Variants in SENP1 observed in about 807,000 individuals in gnomAD.
SENP1 encodes sentrin-specific protease 1.
Under a neutral mutation model 93.0 loss-of-function variants are expected in SENP1, and 21 were observed. The ratio of observed to expected loss-of-function variants is 0.23; its 90% confidence interval spans 0.16 to 0.33. The LOEUF (loss-of-function observed/expected upper bound fraction) is 0.33. Among genes scored for constraint, SENP1 ranks in the 10% least tolerant of loss-of-function variants. SENP1 has a pLI of 1.00. For missense variants in SENP1, 591 were observed against 758.7 expected (o/e 0.78, Z 2.60); for synonymous variants, 256 against 259.6 (o/e 0.99, Z 0.13).
At chr12:48,086,335 TA>T (rs1944859847) in intron 5 of SENP1, among the ~76,000 whole-genome samples, 1 of 152,168 alleles carries the variant, frequency 6.6e-6, no homozygotes, top group Non-Finnish European at 1.5e-5. Flanking sequence ...GTGATAAAAT[TA>T]GAAAAATATT....
intron 16 of SENP1, 145 bp from the exon 17 acceptor site, chr12:48,046,596 G>T: frequency 1.5e-6 from 1 of 647,564 alleles, no homozygotes; most frequent in Non-Finnish European, 2.7e-6. Flanking sequence ...GACAACAGAG[G>T]CTCAAAGAAA....
At chr12:48,053,405 G>A (rs1001724929) in intron 13 of SENP1, among the ~76,000 whole-genome samples, 5 of 150,388 alleles carry the variant, frequency 3.3e-5, no homozygotes, top group Admixed American at 6.7e-5. Flanking sequence ...TTTAGCTCGG[G>A]AGTTTGAGGC....
chr12:48,099,459 T>C (rs1945777384), intron 2 of SENP1, among the ~76,000 whole-genome samples: 1 of 152,178 alleles, frequency 6.6e-6, no homozygotes, highest in South Asian at 2.1e-4. Flanking sequence ...AAATTCACCA[T>C]TCAGTAACAC....
chr12:48,051,293 G>A (rs1185837540), intron 13 of SENP1, among the ~76,000 whole-genome samples: 6 of 152,062 alleles, frequency 3.9e-5, no homozygotes, highest in Non-Finnish European at 7.4e-5. Context: ...CAGACACCAT[G>A]GTATCTGTTC....
chr12:48,049,068 T>C lies in SENP1; in HGVS notation c.1472A>G (p.His491Arg). ...AGTGAAGAAAAAGGTATTAAATGCA[T>C]GCACACTTGGCAAGCCCTTCTCTTT... Reference protein sequence around the residue: ...RSKEKGLPSVHAFNTFFFTKL... With the variant: ...RSKEKGLPSVRAFNTFFFTKL... The change falls in exon 14 of 18, where the codon CAT (histidine) becomes CGT (arginine). Residue 491 changes from histidine to arginine, a missense_variant. His to Arg is a conservative substitution (Grantham distance 29). Around this residue, in one of 4 missense-constraint regions of SENP1, gnomAD observed 132 missense variants for 230.1 expected, o/e 0.57. Coordinates refer to ENST00000549518, the MANE Select transcript of SENP1 (RefSeq NM_001267594.2). The C allele has an allele frequency of 1.2e-6, 2 of 1,613,300 alleles. No homozygotes were observed. Among genetic ancestry groups the C allele is most frequent in the Non-Finnish European group, 1.7e-6 (2 of 1,179,412 alleles).
chr12:48,075,480 AG>A (rs2137052945), intron 6 of SENP1, among the ~76,000 whole-genome samples: 1 of 152,314 alleles, frequency 6.6e-6, no homozygotes, highest in South Asian at 2.1e-4. Flanking sequence ...AAAAATCACA[AG>A]GAAGTAACCA....
Position 48,056,360 on chromosome 12 carries a change from T to C in SENP1, c.1408-7228A>G, listed in dbSNP as rs1942344974. ...TTAATATATTACATATAATATATTA[T>C]TTAATATATTACATATATATTTAAT... On this transcript the variant is annotated intron_variant, in intron 13 of 17. Coordinates refer to ENST00000549518, the MANE Select transcript of SENP1 (RefSeq NM_001267594.2). Among the ~76,000 whole-genome samples, 2 of 117,356 alleles carry C rather than the reference T, an allele frequency of 1.7e-5. 1 individual carries two copies. The highest frequency in any genetic ancestry group is 5.5e-4 in the South Asian group (2 of 3,624). 77.0% of individuals were successfully genotyped at this position (117,356 alleles called of 152,430 possible).
chr12:48,085,715 CAAAA>C (rs200416260), intron 5 of SENP1, among the ~76,000 whole-genome samples: 211 of 116,286 alleles, frequency 1.8e-3, no homozygotes, highest in African/African-American at 6.4e-3. Flanking sequence ...TTGCTTCTCT[CAAAA>C]AAAAAAAAAA....
At chr12:48,054,450 A>T (rs1387076116) in intron 13 of SENP1, among the ~76,000 whole-genome samples, 1 of 152,010 alleles carries the variant, frequency 6.6e-6, no homozygotes, top group African/African-American at 2.4e-5. Context: ...TGCAGGGTAT[A>T]TTTTTTCTGT....
intron 4 of SENP1, 41 bp downstream of exon 4, chr12:48,096,301 CA>C: frequency 8.7e-7 from 1 of 1,149,192 alleles, no homozygotes; most frequent in Non-Finnish European, 1.3e-6. Flanking sequence ...TCAAGAAATC[CA>C]AAAGGTATAA....
chr12:48,081,117 T>C (rs976247969), intron 6 of SENP1, among the ~76,000 whole-genome samples: 2 of 152,120 alleles, frequency 1.3e-5, no homozygotes, highest in Non-Finnish European at 2.9e-5. Flanking sequence ...AACAGAAACA[T>C]GGGGCAGGCG....
rs530055737 is a variant in SENP1, at chr12:48,072,779, T to C, written c.941-1058A>G. Among the ~76,000 whole-genome samples the C allele has an allele frequency of 1.6e-4, 25 of 152,314 alleles. No individual in the cohort carries two copies. In the South Asian group the frequency reaches 5.2e-3, roughly 32 times the overall value. The stretch of plus-strand genomic sequence containing the variant: ...TTGTTGATCTCTTACTGCACCTAAT[T>C]TATAATCATTAGTATGTATGTATAG... On this transcript the variant is annotated intron_variant, in intron 8 of 17. Transcript: ENST00000549518.
intron 9 of SENP1, among the ~76,000 whole-genome samples, chr12:48,068,632 G>C (rs577366065): frequency 6.6e-6 from 1 of 152,156 alleles, no homozygotes; most frequent in South Asian, 2.1e-4. Context: ...AAGTACTTGG[G>C]CTACTCAAGA....
At chr12:48,097,820 C>T (rs1281759796) in intron 3 of SENP1, 174 bp downstream of exon 3, 7 of 553,584 alleles carry the variant, frequency 1.3e-5, no homozygotes, top group East Asian at 6.2e-5. Context: ...TTTGTCTTAA[C>T]GTCCTTGTCT....
At chr12:48,054,025 G>T (rs910913623) in intron 13 of SENP1, among the ~76,000 whole-genome samples, 1 of 152,174 alleles carries the variant, frequency 6.6e-6, no homozygotes, top group Non-Finnish European at 1.5e-5. Context: ...TAGGGTCTTG[G>T]GGGGAAAATA....
intron 13 of SENP1, among the ~76,000 whole-genome samples, chr12:48,054,416 TAA>T (rs1168961492): frequency 6.6e-6 from 1 of 152,214 alleles, no homozygotes; most frequent in Non-Finnish European, 1.5e-5. Flanking sequence ...ATAATGTTAA[TAA>T]GTCACTTTTT....
At chr12:48,084,324 T>C (rs118077444) in intron 5 of SENP1, among the ~76,000 whole-genome samples, 1,546 of 152,304 alleles carry the variant, frequency 0.01, 11 homozygotes, top group Admixed American at 0.019. Context: ...TTCTGGCCTA[T>C]TTACTTCCTC....
chr12:48,088,188 GACTAC>G, intron 5 of SENP1, among the ~76,000 whole-genome samples: 1 of 152,132 alleles, frequency 6.6e-6, no homozygotes, highest in Non-Finnish European at 1.5e-5. Flanking sequence ...AAGTAGCTGG[GACTAC>G]AGGCACACAC....
chr12:48,058,131 A>ACCAAC (rs1431947081), intron 13 of SENP1, among the ~76,000 whole-genome samples: 1 of 150,478 alleles, frequency 6.6e-6, no homozygotes, highest in East Asian at 1.9e-4. Flanking sequence ...TTTTTTGTAG[A>ACCAAC]GACGGGGTTT....
Sources: allele counts gnomAD v4.1 joint callset (sites outside exome capture counted in the v4.1 genomes callset), GRCh38; gene constraint gnomAD v4.1.1; regional missense constraint gnomAD v4.1.1; transcripts MANE v1.5; gene names NCBI Gene and HGNC (gene_info 2026-07-23, HGNC 2026-07-21).